Variants in PDE5A observed in about 807,000 individuals in gnomAD.
The protein encoded by PDE5A is cGMP-specific 3',5'-cyclic phosphodiesterase.
In PDE5A, 67 loss-of-function variants were observed where a neutral mutation model predicts 110.2. The observed-to-expected ratio is 0.61, with a 90% CI of 0.50 to 0.75. PDE5A has a LOEUF of 0.75. PDE5A is among the 30% of genes least tolerant of loss of function. The probability of loss-of-function intolerance (pLI) is 0.00; values close to 1 mark genes in which losing one functional copy is unlikely to be tolerated. For synonymous variants in PDE5A, 328 were observed against 351.2 expected (o/e 0.93, Z 0.74); for missense variants, 862 against 1,045.1 (o/e 0.82, Z 2.42).
chr4:119,578,694 A>G (rs374945100), intron 3 of PDE5A, among the ~76,000 whole-genome samples: 4 of 152,070 alleles, frequency 2.6e-5, no homozygotes, highest in African/African-American at 4.8e-5. Context: ...AATTCAAGAT[A>G]GATTAAAGAC....
At position 119,607,026 on chromosome 4, in the gene PDE5A, C is replaced by G. The variant is rs764438096; in HGVS notation, c.424G>C (p.Asp142His). 9.9e-6 allele frequency: 16 copies of G among 1,614,212 alleles called. No homozygotes were observed. The highest frequency in any genetic ancestry group is 1.3e-5 in the Non-Finnish European group (15 of 1,180,036). ...EQMPLTPPRF[D>H]HDEGDQCSRL... ...GAGCACTGGTCCCCTTCATCATGAT[C>G]AAACCTTGGAGGGGTTAGAGGCATC... Residue 142 changes from aspartate to histidine, a missense_variant, in exon 2 of 21, where the codon GAT becomes CAT. Physicochemically the swap from Asp to His is moderately conservative, Grantham distance 81. Transcript: ENST00000354960.
At chr4:119,533,996 C>T (rs1414172260) in intron 11 of PDE5A, among the ~76,000 whole-genome samples, 2 of 152,226 alleles carry the variant, frequency 1.3e-5, no homozygotes, top group African/African-American at 4.8e-5. Flanking sequence ...AAGCTTATCA[C>T]TGGAAGTAAC....
chr4:119,593,500 A>C (rs1441214629), intron 3 of PDE5A, among the ~76,000 whole-genome samples: 1 of 152,232 alleles, frequency 6.6e-6, no homozygotes, highest in Non-Finnish European at 1.5e-5. Context: ...ATACTGTATG[A>C]TTCCATTTAA....
chr4:119,541,856 G>A (rs1463066711), intron 10 of PDE5A: 1 of 152,122 alleles, frequency 6.6e-6, no homozygotes, highest in African/African-American at 2.4e-5. Flanking sequence ...AGAGTCACCT[G>A]GGGGAGCTTG....
At chr4:119,616,881 T>C (rs925169225) in intron 1 of PDE5A, among the ~76,000 whole-genome samples, 1 of 152,190 alleles carries the variant, frequency 6.6e-6, no homozygotes. Flanking sequence ...TTACACATAC[T>C]ATGTGCTCAT....
chr4:119,592,314 C>T (rs1431532717), intron 3 of PDE5A, among the ~76,000 whole-genome samples: 1 of 147,344 alleles, frequency 6.8e-6, no homozygotes, highest in Non-Finnish European at 1.5e-5. Flanking sequence ...AGAAATTAGC[C>T]GGGCGTGGTG....
intron 2 of PDE5A, among the ~76,000 whole-genome samples, chr4:119,600,109 G>A (rs894177846): frequency 3.3e-5 from 5 of 152,040 alleles, no homozygotes; most frequent in Admixed American, 1.3e-4. Context: ...TAAGAAGTGC[G>A]AAAGGAAATT....
At chr4:119,567,293 G>A (rs769882402) in intron 3 of PDE5A, 149 bp from the exon 4 acceptor site, 8 of 590,872 alleles carry the variant, frequency 1.4e-5, no homozygotes, top group South Asian at 4.7e-5. Flanking sequence ...ATCAGCATTT[G>A]AGCAAGCTTT....
intron 3 of PDE5A, among the ~76,000 whole-genome samples, chr4:119,579,428 T>C (rs1402043458): frequency 1.3e-5 from 2 of 152,130 alleles, no homozygotes; most frequent in African/African-American, 4.8e-5. Flanking sequence ...AGCAAAGACT[T>C]GGAACCAACC....
intron 4 of PDE5A, 144 bp from the exon 5 acceptor site, chr4:119,565,554 A>G (rs1050219671): frequency 3.2e-6 from 2 of 628,382 alleles, no homozygotes; most frequent in African/African-American, 3.7e-5. Context: ...GATATAAACT[A>G]AGTCTTAGCT....
At chr4:119,524,256 G>A (rs1351127096) in intron 12 of PDE5A, among the ~76,000 whole-genome samples, 1 of 152,016 alleles carries the variant, frequency 6.6e-6, no homozygotes, top group African/African-American at 2.4e-5. Context: ...GAGCTAACCA[G>A]TAGCAGAGGT....
chr4:119,512,487 T>C (rs1725779486), intron 14 of PDE5A: 1 of 151,856 alleles, frequency 6.6e-6, no homozygotes, highest in African/African-American at 2.4e-5. Context: ...ACTATGGGAG[T>C]TAGTTAGGAG....
In PDE5A at chr4:119,525,658, G is replaced by C; in HGVS notation, c.1670C>G (p.Thr557Ser). The part of the protein sequence containing the change: ...VVPSAQTLKI[T>S]DFSFSDFELS... ...CTCAAAGTCACTGAAGCTAAAGTCAGTAATTTTAAGGGTCTGGGCAGATGG... is the reference window on the plus strand; with the variant it reads ...CTCAAAGTCACTGAAGCTAAAGTCACTAATTTTAAGGGTCTGGGCAGATGG... Residue 557 changes from threonine to serine, a missense_variant, in exon 12 of 21, where the codon ACT becomes AGT. Thr to Ser is a moderately conservative substitution (Grantham distance 58, BLOSUM62 1). Transcript: ENST00000354960. This position sits in a 1 kb window ranked among gnomAD's most constrained non-coding sequence, Gnocchi z 4.3. 2 of 1,613,144 alleles carry C rather than the reference G, an allele frequency of 1.2e-6. No individual in the cohort carries two copies. The highest frequency in any genetic ancestry group is 1.7e-6 in the Non-Finnish European group (2 of 1,179,386).
chr4:119,495,662 T>C lies in PDE5A; in HGVS notation c.*2939A>G, dbSNP rs1725034403. 6.6e-6 allele frequency: 1 copy of C among 152,556 alleles called. No individual in the cohort carries two copies. The highest frequency in any genetic ancestry group is 2.4e-5 in the African/African-American group (1 of 41,448). 9.5% of individuals were successfully genotyped at this position (152,556 alleles called of 1,614,324 possible). On this transcript the variant is annotated 3_prime_UTR_variant, in exon 21 of 21. Coordinates refer to ENST00000354960, the MANE Select transcript of PDE5A (RefSeq NM_001083.4). ...GTATATTTTCATATACTTTCTTATC[T>C]CTAATACTCCTATTAAAGGAAACTA... is the stretch of plus-strand genomic sequence containing the variant.
At chr4:119,569,031 CTT>C (rs202205857) in intron 3 of PDE5A, among the ~76,000 whole-genome samples, 3 of 142,864 alleles carry the variant, frequency 2.1e-5, no homozygotes, top group Non-Finnish European at 1.5e-5. Context: ...TCCTTTCAGT[CTT>C]TTTTTTTTTT....
intron 3 of PDE5A, among the ~76,000 whole-genome samples, chr4:119,573,607 T>C (rs1297176154): frequency 6.6e-6 from 1 of 152,222 alleles, no homozygotes; most frequent in Non-Finnish European, 1.5e-5. Flanking sequence ...AGATTGATTT[T>C]ATCCTTCTGT....
At chr4:119,561,563 AT>A (rs1727747494) in intron 6 of PDE5A, among the ~76,000 whole-genome samples, 1 of 152,234 alleles carries the variant, frequency 6.6e-6, no homozygotes, top group South Asian at 2.1e-4. Context: ...TGCTTCACAT[AT>A]AACTTTCAAA....
At chr4:119,509,799 T>C (rs998491866) in intron 15 of PDE5A, among the ~76,000 whole-genome samples, 10 of 151,904 alleles carry the variant, frequency 6.6e-5, no homozygotes, top group Non-Finnish European at 1.5e-5. Context: ...CACTGAGGTG[T>C]TGAGGGAGGC....
At chr4:119,574,179 CTTTTTTTTTTTT>C (rs70944893) in intron 3 of PDE5A, among the ~76,000 whole-genome samples, 9 of 89,176 alleles carry the variant, frequency 1.0e-4, no homozygotes, top group African/African-American at 3.7e-4. Flanking sequence ...AAAATATAGG[CTTTTTTTTTTTT>C]TTTTTTTTTG....
Sources: gnomAD v4.1 joint callset for allele counts (sites outside exome capture counted in the v4.1 genomes callset) on GRCh38, gnomAD v4.1.1 for gene constraint, Gnocchi (gnomAD v3.1) non-coding constraint, MANE v1.5 for transcripts, NCBI Gene and HGNC (gene_info 2026-07-23, HGNC 2026-07-21) for gene names.